Variants in GLIS1 observed in about 807,000 individuals in gnomAD.
GLIS1 encodes the protein GLIS family zinc finger 1.
GLIS1 carries 24 observed loss-of-function variants against 63.8 expected under a neutral mutation model. The observed-to-expected ratio is 0.38, with a 90% CI of 0.27 to 0.53. The LOEUF is 0.53. GLIS1 is among the 20% of genes least tolerant of loss of function. GLIS1 has a pLI of 0.85. For synonymous variants in GLIS1, 450 were observed against 482.5 expected, an observed-to-expected ratio of 0.93 and a Z score of 0.88; for missense variants, 1,036 against 1,074.1, an observed-to-expected ratio of 0.96 and a Z score of 0.50.
chr1:53,652,251 T>C (rs944470648), intron 2 of GLIS1, among the ~76,000 whole-genome samples: 6 of 152,220 alleles, frequency 3.9e-5, no homozygotes, highest in African/African-American at 1.4e-4. Context: ...TCTTCCCTTC[T>C]GTGCCAGCTC....
At chr1:53,529,987 C>A (rs373282040) in intron 4 of GLIS1, 35 bp from the exon 5 acceptor site, 1 of 1,599,424 alleles carries the variant, frequency 6.3e-7, no homozygotes. Context: ...ACTCCCAGCC[C>A]GGTGGGCACC....
intron 2 of GLIS1, among the ~76,000 whole-genome samples, chr1:53,701,598 C>A (rs1646523189): frequency 1.3e-5 from 2 of 152,184 alleles, no homozygotes; most frequent in Non-Finnish European, 2.9e-5. Context: ...AGTCAGGATT[C>A]AAATCTAAGC....
rs552653917 is a variant in GLIS1, at chr1:53,509,783, G to A, written c.2062+66C>T. ...TCCCCCACTAGGTCACTGTCTCCTCGTTCCTCTGGGGTCCCTAAGTGGGAA... is the reference window on the plus strand; with the variant it reads ...TCCCCCACTAGGTCACTGTCTCCTCATTCCTCTGGGGTCCCTAAGTGGGAA... On this transcript the variant is annotated intron_variant, in intron 9 of 10. Transcript: ENST00000628545. The A allele has an allele frequency of 7.9e-5, 80 of 1,013,002 alleles. 1 individual carries two copies. The highest frequency in any genetic ancestry group is 7.3e-4 in the African/African-American group (44 of 60,482). The allele number at this position is 1,013,002 out of a possible 1,614,324, so 62.8% of individuals were successfully genotyped here. A position where few individuals can be genotyped will look rare whatever the true frequency, so the allele number is the denominator to read the frequency against.
intron 2 of GLIS1, among the ~76,000 whole-genome samples, chr1:53,724,936 C>T (rs752892365): frequency 3.9e-5 from 6 of 152,134 alleles, no homozygotes; most frequent in Admixed American, 1.3e-4. Flanking sequence ...GAATAGGAGG[C>T]GAGTCTCCAA....
At chr1:53,729,124 A>AT in intron 2 of GLIS1, among the ~76,000 whole-genome samples, 1 of 152,216 alleles carries the variant, frequency 6.6e-6, no homozygotes, top group Admixed American at 6.5e-5. Context: ...CAGTGGAAAG[A>AT]TTTTTGTCCT....
At chr1:53,677,969 G>A (rs1030219058) in intron 2 of GLIS1, among the ~76,000 whole-genome samples, 5 of 152,140 alleles carry the variant, frequency 3.3e-5, no homozygotes, top group African/African-American at 4.8e-5. Context: ...GAGCTGTGGC[G>A]AGAATAAGAT....
intron 2 of GLIS1, among the ~76,000 whole-genome samples, chr1:53,603,754 C>T (rs953927392): frequency 2.0e-5 from 3 of 152,256 alleles, no homozygotes; most frequent in African/African-American, 7.2e-5. Context: ...GGGCCAAGAG[C>T]CAACCTTGGG....
chr1:53,586,382 C>T (rs1018764288), intron 4 of GLIS1, among the ~76,000 whole-genome samples: 6 of 152,222 alleles, frequency 3.9e-5, no homozygotes, highest in Non-Finnish European at 5.9e-5. Flanking sequence ...AGCCAAGCGA[C>T]GCATCCAAGG....
chr1:53,675,950 C>G (rs561645827), intron 2 of GLIS1, among the ~76,000 whole-genome samples: 1 of 151,632 alleles, frequency 6.6e-6, no homozygotes, highest in Non-Finnish European at 1.5e-5. Context: ...CAGCAGCCAT[C>G]AGGACCTTGT....
intron 4 of GLIS1, among the ~76,000 whole-genome samples, chr1:53,534,347 TGGGGC>T (rs754990466): frequency 2.0e-5 from 3 of 152,026 alleles, no homozygotes; most frequent in Non-Finnish European, 2.9e-5. Context: ...GGAGTGCCAC[TGGGGC>T]GGGGCCTTCC....
chr1:53,731,879 C>T (rs564920488), intron 2 of GLIS1, among the ~76,000 whole-genome samples: 68 of 152,308 alleles, frequency 4.5e-4, no homozygotes, highest in African/African-American at 1.6e-3. Flanking sequence ...CCAAACCTTC[C>T]CAGCCCAGTC....
At position 53,691,507 on chromosome 1, in the gene GLIS1, C is replaced by T. The variant is rs534663082; in HGVS notation, c.259+46299G>A. On this transcript the variant is annotated intron_variant, in intron 2 of 10. Transcript: ENST00000628545. Reference sequence around the variant, plus strand: ...CCGGGCCCAGGATCCCAGATTCACACGGACTGGGAGGAGCTGAGCCCCCTG... The same window carrying T: ...CCGGGCCCAGGATCCCAGATTCACATGGACTGGGAGGAGCTGAGCCCCCTG... Among the ~76,000 whole-genome samples the T allele has an allele frequency of 2.2e-4, 34 of 152,296 alleles. 1 individual carries two copies. The highest frequency in any genetic ancestry group is 1.7e-3 in the South Asian group (8 of 4,820).
At chr1:53,695,338 A>G (rs997125840) in intron 2 of GLIS1, among the ~76,000 whole-genome samples, 2 of 152,220 alleles carry the variant, frequency 1.3e-5, no homozygotes, top group African/African-American at 4.8e-5. Context: ...CGAAACACTA[A>G]CTGGTAGTGA....
chr1:53,564,090 A>T (rs956581667), intron 4 of GLIS1, among the ~76,000 whole-genome samples: 4 of 152,248 alleles, frequency 2.6e-5, no homozygotes, highest in Admixed American at 6.5e-5. Flanking sequence ...AAATTCACAA[A>T]CATGTAAGTA....
chr1:53,562,107 A>G (rs1363031400), intron 4 of GLIS1, among the ~76,000 whole-genome samples: 1 of 152,224 alleles, frequency 6.6e-6, no homozygotes, highest in African/African-American at 2.4e-5. Context: ...TCTGCCAGGA[A>G]TAAGTGCATG....
At chr1:53,663,662 G>C (rs1208577602) in intron 2 of GLIS1, among the ~76,000 whole-genome samples, 2 of 152,166 alleles carry the variant, frequency 1.3e-5, no homozygotes, top group East Asian at 1.9e-4. Flanking sequence ...GGTGGTTGGG[G>C]CAGTTGGAGG....
intron 4 of GLIS1, among the ~76,000 whole-genome samples, chr1:53,545,612 G>C (rs1232620191): frequency 6.6e-6 from 1 of 152,050 alleles, no homozygotes; most frequent in African/African-American, 2.4e-5. Context: ...ATTAAACAAT[G>C]GTTATTTCTG....
intron 2 of GLIS1, among the ~76,000 whole-genome samples, chr1:53,718,762 G>A (rs1050589465): frequency 6.6e-6 from 1 of 152,136 alleles, no homozygotes; most frequent in African/African-American, 2.4e-5. Flanking sequence ...ATCATTCCTA[G>A]ATCATAAACA....
intron 2 of GLIS1, among the ~76,000 whole-genome samples, chr1:53,657,057 C>T (rs1227682569): frequency 1.3e-5 from 2 of 152,184 alleles, no homozygotes; most frequent in African/African-American, 4.8e-5. Context: ...AGACATCACT[C>T]ATAGACAGCA....
Sources: gnomAD v4.1 joint callset for allele counts (sites outside exome capture counted in the v4.1 genomes callset) on GRCh38, gnomAD v4.1.1 for gene constraint, MANE v1.5 for transcripts, NCBI Gene and HGNC (gene_info 2026-07-23, HGNC 2026-07-21) for gene names.